KCNIP4: variants seen among roughly 807,000 people sequenced by gnomAD.
KCNIP4 encodes the protein Kv channel-interacting protein 4.
Under a neutral mutation model 34.0 loss-of-function variants are expected in KCNIP4, and 12 were observed. That is an observed-to-expected ratio of 0.35 (90% CI 0.23 to 0.57). The LOEUF (loss-of-function observed/expected upper bound fraction) is 0.57. Ranked by LOEUF, KCNIP4 falls within the 20% of genes least tolerant of loss-of-function variation. The probability of loss-of-function intolerance (pLI) is 0.83; values close to 1 mark genes in which losing one functional copy is unlikely to be tolerated. For synonymous variants in KCNIP4, 124 were observed against 102.2 expected, an observed-to-expected ratio of 1.21 and a Z score of -1.29; for missense variants, 238 against 311.7, an observed-to-expected ratio of 0.76 and a Z score of 1.78.
intron 1 of KCNIP4, among the ~76,000 whole-genome samples, chr4:21,346,086 T>A (rs1717294961): frequency 8.0e-6 from 1 of 124,436 alleles, no homozygotes; most frequent in Admixed American, 1.1e-4. Context: ...ATATTTAAGA[T>A]ATTTAAGATA....
rs1264005912 is a variant in KCNIP4, at chr4:21,234,277, T to TATATATAAC, written c.62-351577_62-351569dup. Among the ~76,000 whole-genome samples, 18 of 76,634 alleles carry TATATATAAC rather than the reference T, an allele frequency of 2.3e-4. 1 individual carries two copies. The highest frequency in any genetic ancestry group is 1.6e-3 in the South Asian group (4 of 2,528). 50.3% of individuals were successfully genotyped at this position (76,634 alleles called of 152,430 possible). A position where few individuals can be genotyped will look rare whatever the true frequency, so the allele number is the denominator to read the frequency against. On this transcript the variant is annotated intron_variant, in intron 1 of 8. Transcript: ENST00000382152. ...TATATATAACATATATAACATATAT[T>TATATATAAC]ATATATAACATATATTATATATAAC...
chr4:20,772,125 T>A (rs1474635417), intron 3 of KCNIP4, among the ~76,000 whole-genome samples: 1 of 152,182 alleles, frequency 6.6e-6, no homozygotes, highest in Admixed American at 6.5e-5. Flanking sequence ...TTTAAAGAAC[T>A]TTCCCAAGGT....
rs13105988 is a variant in KCNIP4, at chr4:20,803,772, C to T, written c.289-44882G>A. 9.3e-5 allele frequency among the ~76,000 whole-genome samples: 13 copies of T among 140,284 alleles called. 1 individual carries two copies. Among genetic ancestry groups the T allele is most frequent in the Admixed American group, 2.8e-4 (4 of 14,092 alleles). 92.0% of individuals were successfully genotyped at this position (140,284 alleles called of 152,430 possible). On this transcript the variant is annotated intron_variant, in intron 3 of 8. Coordinates refer to ENST00000382152, the MANE Select transcript of KCNIP4 (RefSeq NM_025221.6). ...AAGGAAGGAAAGAAGGAAGGAAGGA[C>T]GGAAAATAGAGAACAGAAAAACCAT...
At chr4:21,344,321 A>G (rs1197065229) in intron 1 of KCNIP4, among the ~76,000 whole-genome samples, 1 of 152,140 alleles carries the variant, frequency 6.6e-6, no homozygotes, top group Admixed American at 6.6e-5. Context: ...ATGGGAAAGG[A>G]AAGGTCAAGA....
At chr4:21,492,157 A>G (rs1364577215) in intron 1 of KCNIP4, among the ~76,000 whole-genome samples, 1 of 152,188 alleles carries the variant, frequency 6.6e-6, no homozygotes, top group African/African-American at 2.4e-5. Flanking sequence ...TAAATAAAGA[A>G]TATCTATTGA....
intron 1 of KCNIP4, among the ~76,000 whole-genome samples, chr4:21,261,731 C>T (rs1189721428): frequency 6.6e-6 from 1 of 152,172 alleles, no homozygotes; most frequent in East Asian, 1.9e-4. Flanking sequence ...TCTACGTCTA[C>T]AATACAAGCT....
intron 3 of KCNIP4, among the ~76,000 whole-genome samples, chr4:20,811,214 C>T (rs1323461302): frequency 6.6e-6 from 1 of 152,144 alleles, no homozygotes; most frequent in East Asian, 1.9e-4. Flanking sequence ...ACTCCCTATC[C>T]AATTATTAAA....
chr4:21,012,674 G>T (rs1006354130), intron 1 of KCNIP4, among the ~76,000 whole-genome samples: 1 of 152,210 alleles, frequency 6.6e-6, no homozygotes, highest in African/African-American at 2.4e-5. Context: ...CACAGGAAAT[G>T]TTCAACCAGG....
intron 1 of KCNIP4, among the ~76,000 whole-genome samples, chr4:21,324,867 A>G (rs1714874810): frequency 6.6e-6 from 1 of 151,796 alleles, no homozygotes; most frequent in Non-Finnish European, 1.5e-5. Context: ...ACATTTTAAT[A>G]ATATTGTTTT....
At chr4:21,090,010 C>T (rs1034286175) in intron 1 of KCNIP4, among the ~76,000 whole-genome samples, 24 of 152,108 alleles carry the variant, frequency 1.6e-4, no homozygotes, top group Non-Finnish European at 3.1e-4. Context: ...TGTCTTCAAT[C>T]GTTCCTTCTG....
At chr4:21,098,246 T>A (rs1226195267) in intron 1 of KCNIP4, among the ~76,000 whole-genome samples, 1 of 152,196 alleles carries the variant, frequency 6.6e-6, no homozygotes, top group African/African-American at 2.4e-5. Flanking sequence ...GTAGAAGTTG[T>A]AGCAAGTTAC....
intron 3 of KCNIP4, among the ~76,000 whole-genome samples, chr4:20,813,869 T>C (rs13116410): frequency 0.027 from 4,051 of 152,336 alleles, 92 homozygotes; most frequent in South Asian, 0.083. Context: ...CCATTAATTA[T>C]TTGCCGACAA....
At chr4:21,076,194 G>T (rs1312889851) in intron 1 of KCNIP4, among the ~76,000 whole-genome samples, 1 of 152,036 alleles carries the variant, frequency 6.6e-6, no homozygotes, top group Non-Finnish European at 1.5e-5. Context: ...TGCCTTGCTA[G>T]GTTGGGGAAG....
At chr4:20,774,411 C>A (rs1327294534) in intron 3 of KCNIP4, among the ~76,000 whole-genome samples, 1 of 152,122 alleles carries the variant, frequency 6.6e-6, no homozygotes, top group Non-Finnish European at 1.5e-5. Context: ...TAGCCTGGAA[C>A]TTTGAATAAG....
intron 1 of KCNIP4, among the ~76,000 whole-genome samples, chr4:21,318,609 T>C (rs1714037481): frequency 6.6e-6 from 1 of 152,190 alleles, no homozygotes; most frequent in Non-Finnish European, 1.5e-5. Flanking sequence ...TACCACCAAA[T>C]AGTGGAAGCG....
chr4:21,263,722 A>C (rs1193392145), intron 1 of KCNIP4, among the ~76,000 whole-genome samples: 3 of 152,048 alleles, frequency 2.0e-5, no homozygotes, highest in Non-Finnish European at 4.4e-5. Flanking sequence ...GGCTAGAGTG[A>C]TCGTAGCTCA....
chr4:21,744,372 A>G (rs902909824), intron 1 of KCNIP4, among the ~76,000 whole-genome samples: 7 of 152,054 alleles, frequency 4.6e-5, no homozygotes, highest in Non-Finnish European at 8.8e-5. Flanking sequence ...CTGGAATTCC[A>G]CTGGACATAC....
intron 1 of KCNIP4, among the ~76,000 whole-genome samples, chr4:21,518,194 C>A (rs1016291494): frequency 6.6e-6 from 1 of 152,194 alleles, no homozygotes; most frequent in Non-Finnish European, 1.5e-5. Context: ...CTCCATCAAA[C>A]ATTCACTGGC....
intron 1 of KCNIP4, among the ~76,000 whole-genome samples, chr4:21,419,394 G>T (rs1472219254): frequency 6.6e-6 from 1 of 152,110 alleles, no homozygotes; most frequent in East Asian, 1.9e-4. Context: ...GATGGTGATG[G>T]TGATTTTGGT....
Sources: gnomAD v4.1 joint callset for allele counts (sites outside exome capture counted in the v4.1 genomes callset) on GRCh38, gnomAD v4.1.1 for gene constraint, MANE v1.5 for transcripts, NCBI Gene and HGNC (gene_info 2026-07-23, HGNC 2026-07-21) for gene names.